Variants in TEAD1 observed in about 807,000 individuals in gnomAD.
The protein encoded by TEAD1 is TEA domain transcription factor 1, also known as transcriptional enhancer factor TEF-1.
In TEAD1, 9 loss-of-function variants were observed where a neutral mutation model predicts 54.9. That is an observed-to-expected ratio of 0.16 (90% CI 0.10 to 0.29). TEAD1 has a LOEUF of 0.29. TEAD1 is among the 10% of genes least tolerant of loss of function. TEAD1 has a pLI of 1.00. For missense variants in TEAD1, 387 were observed against 535.9 expected, an observed-to-expected ratio of 0.72 and a Z score of 2.74; for synonymous variants, 200 against 187.8, an observed-to-expected ratio of 1.07 and a Z score of -0.53.
chr11:12,916,239 C>T (rs1380413668), intron 10 of TEAD1, among the ~76,000 whole-genome samples: 7 of 152,014 alleles, frequency 4.6e-5, no homozygotes, highest in Admixed American at 1.3e-4. Context: ...ATACTCAATA[C>T]GTAAGACCCG....
At chr11:12,889,858 A>G (rs1414159958) in intron 9 of TEAD1, among the ~76,000 whole-genome samples, 1 of 152,044 alleles carries the variant, frequency 6.6e-6, no homozygotes, top group South Asian at 2.1e-4. Flanking sequence ...AGTTGCTGGG[A>G]CTACAGGCAT....
intron 9 of TEAD1, among the ~76,000 whole-genome samples, chr11:12,895,202 C>G (rs1057505374): frequency 1.6e-4 from 24 of 152,110 alleles, no homozygotes; most frequent in Non-Finnish European, 2.2e-4. Context: ...TTTATTAACC[C>G]CCCCCGGGTA....
rs536737569 is a variant in TEAD1, at chr11:12,894,655, C to T, written c.700-7285C>T. 7.9e-5 allele frequency among the ~76,000 whole-genome samples: 12 copies of T among 152,264 alleles called. No homozygotes were observed. In the South Asian group the frequency reaches 2.1e-3, roughly 26 times the overall value. ...CAAGGCTTCCCCACACTGCCACTAC[C>T]CTAGCACCGATGGTAACATCAGAAC... On this transcript the variant is annotated intron_variant, in intron 9 of 12. Coordinates refer to ENST00000527636, the MANE Select transcript of TEAD1 (RefSeq NM_021961.6).
In TEAD1 at chr11:12,938,453, T is replaced by C. The variant is rs1317278855; in HGVS notation, c.*1231T>C. The C allele has an allele frequency of 2.6e-5, 4 of 152,562 alleles. No individual in the cohort carries two copies. The highest frequency in any genetic ancestry group is 7.2e-5 in the African/African-American group (3 of 41,594). 9.5% of individuals were successfully genotyped at this position (152,562 alleles called of 1,614,324 possible). On this transcript the variant is annotated 3_prime_UTR_variant, in exon 13 of 13. Transcript: ENST00000527636. ...GTATACATATACACAAATGCACATA[T>C]AGAGTTAACACATTTAGTGAACACT... is the stretch of plus-strand genomic sequence containing the variant.
chr11:12,811,811 G>C (rs899178525), intron 3 of TEAD1, among the ~76,000 whole-genome samples: 6 of 145,854 alleles, frequency 4.1e-5, no homozygotes, highest in East Asian at 2.0e-4. Context: ...TGGGGGTGCA[G>C]GCCTTCGGTT....
At chr11:12,836,281 G>A (rs1036793182) in intron 3 of TEAD1, among the ~76,000 whole-genome samples, 1 of 152,038 alleles carries the variant, frequency 6.6e-6, no homozygotes. Context: ...TTAGCCGGGC[G>A]TGGTGGCGGG....
intron 3 of TEAD1, among the ~76,000 whole-genome samples, chr11:12,804,201 A>G (rs925383205): frequency 1.3e-5 from 2 of 152,210 alleles, no homozygotes; most frequent in African/African-American, 2.4e-5. Flanking sequence ...AGGAAACTTT[A>G]TGGGAGCAAG....
intron 3 of TEAD1, among the ~76,000 whole-genome samples, chr11:12,784,485 A>G (rs1945634832): frequency 6.6e-6 from 1 of 152,242 alleles, no homozygotes; most frequent in African/African-American, 2.4e-5. Context: ...AGAAAGGAAG[A>G]AAGGCTAGGA....
intron 3 of TEAD1, among the ~76,000 whole-genome samples, chr11:12,837,715 C>CTTTCTCT (rs149831884): frequency 1.6e-5 from 1 of 60,736 alleles, no homozygotes; most frequent in Non-Finnish European, 3.6e-5. Context: ...CTCCCTTCTC[C>CTTTCTCT]TTCTCCTTCT....
At chr11:12,720,159 A>C (rs898086876) in intron 2 of TEAD1, among the ~76,000 whole-genome samples, 1 of 151,590 alleles carries the variant, frequency 6.6e-6, no homozygotes, top group African/African-American at 2.4e-5. Flanking sequence ...TTTAATTTCC[A>C]ATTAGACTAC....
chr11:12,843,269 A>G (rs1258238987), intron 3 of TEAD1, among the ~76,000 whole-genome samples: 2 of 152,212 alleles, frequency 1.3e-5, no homozygotes, highest in Admixed American at 6.5e-5. Context: ...TGTCAGATCT[A>G]TAGATCCCCT....
chr11:12,904,085 G>T (rs1318597826), intron 10 of TEAD1, among the ~76,000 whole-genome samples: 1 of 152,132 alleles, frequency 6.6e-6, no homozygotes, highest in Non-Finnish European at 1.5e-5. Context: ...ATAATACAAA[G>T]ACATGATTTG....
chr11:12,898,556 G>A (rs370122886), intron 9 of TEAD1, among the ~76,000 whole-genome samples: 6 of 151,874 alleles, frequency 4.0e-5, no homozygotes, highest in East Asian at 3.9e-4. Context: ...CACCACACCC[G>A]GCTAATTTTT....
At chr11:12,888,410 G>A (rs189691402) in intron 9 of TEAD1, among the ~76,000 whole-genome samples, 2 of 152,338 alleles carry the variant, frequency 1.3e-5, no homozygotes, top group Admixed American at 1.3e-4. Flanking sequence ...TCGGGAGACT[G>A]AGGCAGGAGA....
At chr11:12,925,174 C>T (rs1452544043) in intron 11 of TEAD1, 122 bp downstream of exon 11, 15 of 1,094,280 alleles carry the variant, frequency 1.4e-5, no homozygotes, top group Admixed American at 1.3e-4. Flanking sequence ...TGTATTAGTC[C>T]ATTCTCACAC....
intron 2 of TEAD1, among the ~76,000 whole-genome samples, chr11:12,725,406 G>A (rs59964219): frequency 0.13 from 19,226 of 152,120 alleles, 4,138 homozygotes; most frequent in African/African-American, 0.44. Flanking sequence ...GTTTGACAGC[G>A]GACTAGAGTG....
At chr11:12,818,956 T>C (rs1332506119) in intron 3 of TEAD1, among the ~76,000 whole-genome samples, 1 of 152,178 alleles carries the variant, frequency 6.6e-6, no homozygotes, top group Admixed American at 6.5e-5. Flanking sequence ...TAACAGTAAA[T>C]GTATCTGGAG....
intron 3 of TEAD1, among the ~76,000 whole-genome samples, chr11:12,835,412 G>T (rs539551892): frequency 6.6e-6 from 1 of 151,974 alleles, no homozygotes; most frequent in South Asian, 2.1e-4. Flanking sequence ...GCGCAGTCTC[G>T]GTCACTGCAG....
intron 10 of TEAD1, among the ~76,000 whole-genome samples, chr11:12,913,256 C>T (rs992166006): frequency 6.6e-6 from 1 of 152,004 alleles, no homozygotes; most frequent in Non-Finnish European, 1.5e-5. Flanking sequence ...ACCCCCCAGT[C>T]CACCCCATGT....
Sources: gnomAD v4.1 joint callset for allele counts (sites outside exome capture counted in the v4.1 genomes callset) on GRCh38, gnomAD v4.1.1 for gene constraint, MANE v1.5 for transcripts, NCBI Gene and HGNC (gene_info 2026-07-23, HGNC 2026-07-21) for gene names.